Variants in HGS observed in about 807,000 individuals in gnomAD.
HGS encodes the protein human growth factor-regulated tyrosine kinase substrate.
Under a neutral mutation model 109.7 loss-of-function variants are expected in HGS, and 63 were observed. The observed-to-expected ratio is 0.57, with a 90% confidence interval of 0.47 to 0.71. The LOEUF is 0.71. Among genes scored for constraint, HGS ranks in the 30% least tolerant of loss-of-function variants. The pLI, the probability that HGS is intolerant of heterozygous loss-of-function variation, is 0.00. For missense variants in HGS, 995 were observed against 1,068.3 expected (o/e 0.93, Z 0.96); for synonymous variants, 546 against 437.3 (o/e 1.25, Z -3.10).
chr17:81,690,105 C>T lies in HGS; in HGVS notation c.416-77C>T, dbSNP rs1470118420. ...ACGGTCACTGCTGCGTTGCAGCTGC[C>T]GAGAGTGAGGAAGGGGCTCCCGGAA... On this transcript the variant is annotated intron_variant, in intron 5 of 21. Coordinates refer to ENST00000329138, the MANE Select transcript of HGS (RefSeq NM_004712.5). 18 of 1,507,164 alleles carry T rather than the reference C, an allele frequency of 1.2e-5. No homozygotes were observed. The South Asian group carries it at 1.5e-4, about 13-fold the overall frequency. 93.4% of individuals were successfully genotyped at this position (1,507,164 alleles called of 1,614,324 possible).
chr17:81,700,990 C>G (rs1598752177), intron 20 of HGS, 55 bp from the exon 21 acceptor site: 1 of 1,564,278 alleles, frequency 6.4e-7, no homozygotes, highest in Non-Finnish European at 8.8e-7. Context: ...CAGAAACATC[C>G]CCGCCTGCCT....
chr17:81,685,965 T>C (rs2036972850), intron 2 of HGS, among the ~76,000 whole-genome samples: 1 of 152,094 alleles, frequency 6.6e-6, no homozygotes, highest in South Asian at 2.1e-4. Context: ...GGGCCTTGCT[T>C]TGTCACCCAG....
At chr17:81,695,512 C>A (rs976619743) in intron 14 of HGS, among the ~76,000 whole-genome samples, 2 of 152,254 alleles carry the variant, frequency 1.3e-5, no homozygotes, top group African/African-American at 4.8e-5. Context: ...TTGCCTGGGG[C>A]TTGTGGGCTG....
chr17:81,690,035 G>T (rs977699214), intron 5 of HGS, 147 bp from the exon 6 acceptor site: 60 of 740,240 alleles, frequency 8.1e-5, no homozygotes, highest in South Asian at 7.8e-4. Flanking sequence ...CAATCTTGGG[G>T]GCAGGAGGCT....
chr17:81,689,062 C>T (rs1272386588), intron 5 of HGS, among the ~76,000 whole-genome samples: 2 of 152,248 alleles, frequency 1.3e-5, no homozygotes, highest in Non-Finnish European at 2.9e-5. Flanking sequence ...GCAGACAACA[C>T]ACAGGTGAAA....
In HGS at chr17:81,696,813, T is replaced by C. The variant is rs762725691; in HGVS notation, c.1708-11T>C. 34 of 1,605,256 alleles carry C rather than the reference T, an allele frequency of 2.1e-5. No homozygotes were observed. In the East Asian group the frequency reaches 6.9e-4, roughly 33 times the overall value. On this transcript the variant is annotated splice_polypyrimidine_tract_variant and intron_variant, in intron 17 of 21. Transcript: ENST00000329138. ...AGGACCAACTCTCACCGCTGTCTCT[T>C]TTGTCCCCAGCTCCAGGCCATGCCC...
chr17:81,688,181 G>A (rs776051060), intron 4 of HGS, among the ~76,000 whole-genome samples: 22 of 151,632 alleles, frequency 1.5e-4, no homozygotes, highest in Non-Finnish European at 2.6e-4. Context: ...CGAGAGGGCC[G>A]TAGACGCGAG....
At position 81,693,757 on chromosome 17, in the gene HGS, G is replaced by A. The variant is rs1038613655; in HGVS notation, c.840+5G>A. ...GCGGAGGAGAAGGAGAGGCTGGTAAGCCGGGTGGGGCGGGGCGGCCTCAGG... is the reference window on the plus strand; with the variant it reads ...GCGGAGGAGAAGGAGAGGCTGGTAAACCGGGTGGGGCGGGGCGGCCTCAGG... On this transcript the variant is annotated splice_donor_5th_base_variant and intron_variant, in intron 10 of 21. Coordinates refer to ENST00000329138, the MANE Select transcript of HGS (RefSeq NM_004712.5). The A allele has an allele frequency of 6.5e-7, 1 of 1,542,562 alleles. No homozygotes were observed. The highest frequency in any genetic ancestry group is 1.2e-5 in the South Asian group (1 of 83,686).
intron 14 of HGS, 76 bp from the exon 15 acceptor site, chr17:81,695,710 G>A (rs2037135023): frequency 1.5e-6 from 2 of 1,296,558 alleles, no homozygotes; most frequent in Admixed American, 3.4e-5. Flanking sequence ...ATAGCTGGGT[G>A]CCTCCATCCC....
Position 81,684,110 on chromosome 17 carries a change from C to T in HGS, c.37+7C>T, listed in dbSNP as rs1181672539. 3 of 1,577,074 alleles carry T rather than the reference C, an allele frequency of 1.9e-6. No homozygotes were observed. Among genetic ancestry groups the T allele is most frequent in the South Asian group, 1.2e-5 (1 of 86,626 alleles). On this transcript the variant is annotated splice_region_variant and intron_variant, in intron 1 of 21. Transcript: ENST00000329138. ...ACCTTCGAGCGTCTCCTAGGTAACG[C>T]GTCCCCACCCGACGGCTCGGCCTTG...
chr17:81,695,717 T>C, intron 14 of HGS, 69 bp from the exon 15 acceptor site: 1 of 1,453,506 alleles, frequency 6.9e-7, no homozygotes, highest in South Asian at 1.1e-5. Context: ...GGTGCCTCCA[T>C]CCCAGGCCCC....
intron 21 of HGS, 101 bp from the exon 22 acceptor site, chr17:81,701,407 T>C: frequency 7.9e-7 from 1 of 1,270,506 alleles, no homozygotes; most frequent in Non-Finnish European, 1.1e-6. Flanking sequence ...TGGACATGGA[T>C]TACAAGCACT....
intron 18 of HGS, among the ~76,000 whole-genome samples, chr17:81,699,660 A>G (rs2037203849): frequency 6.6e-6 from 1 of 151,888 alleles, no homozygotes; most frequent in Non-Finnish European, 1.5e-5. Flanking sequence ...TCCTGCCATC[A>G]TGATCCGCCT....
chr17:81,697,705 G>A (rs184315584), intron 18 of HGS: 2 of 152,184 alleles, frequency 1.3e-5, no homozygotes, highest in East Asian at 1.9e-4. Flanking sequence ...TGTTTATTAC[G>A]GTGTTTGCCA....
chr17:81,687,396 C>G (rs912100750), intron 4 of HGS, among the ~76,000 whole-genome samples: 22 of 152,110 alleles, frequency 1.4e-4, no homozygotes, highest in Non-Finnish European at 2.4e-4. Context: ...TGGGCACCTG[C>G]TGTCTTAGGG....
chr17:81,688,482 G>T (rs779292967), intron 4 of HGS, among the ~76,000 whole-genome samples: 4 of 152,212 alleles, frequency 2.6e-5, no homozygotes, highest in Non-Finnish European at 5.9e-5. Flanking sequence ...ACAGAGACGC[G>T]GCGTTGTTTG....
In HGS at chr17:81,694,916, G is replaced by A. The variant is rs770386705; in HGVS notation, c.976-8G>A. ...TGGCCTTGGGAGTGACCCCCTCATTGCCTGCAGCTCGCACGGTATCTCAAC... is the reference window on the plus strand; with the variant it reads ...TGGCCTTGGGAGTGACCCCCTCATTACCTGCAGCTCGCACGGTATCTCAAC... On this transcript the variant is annotated splice_region_variant and splice_polypyrimidine_tract_variant and intron_variant, in intron 12 of 21. Coordinates refer to ENST00000329138, the MANE Select transcript of HGS (RefSeq NM_004712.5). 3.1e-6 allele frequency: 5 copies of A among 1,614,212 alleles called. No homozygotes were observed. Among genetic ancestry groups the A allele is most frequent in the Non-Finnish European group, 4.2e-6 (5 of 1,180,038 alleles).
intron 1 of HGS, chr17:81,684,394 T>C (rs2036936958): frequency 1.2e-5 from 4 of 326,554 alleles, no homozygotes; most frequent in Admixed American, 4.9e-5. Context: ...GCCGATTTCC[T>C]CTTGACCGAC....
Position 81,694,816 on chromosome 17 carries a change from A to G in HGS, c.938A>G (p.Asn313Ser), listed in dbSNP as rs1460002865. 1 of 1,614,154 alleles carries G rather than the reference A, an allele frequency of 6.2e-7. No individual in the cohort carries two copies. The highest frequency in any genetic ancestry group is 8.5e-7 in the Non-Finnish European group (1 of 1,180,020). The change falls in exon 12 of 22, where the codon AAC (asparagine) becomes AGC (serine). Residue 313 changes from asparagine (N) to serine (S), a missense_variant and splice_region_variant. Physicochemically the swap from Asn to Ser is conservative, Grantham distance 46. Around this residue, in one of 6 missense-constraint regions of HGS, gnomAD observed 300 missense variants for 235.4 expected, o/e 1.27. Coordinates refer to ENST00000329138, the MANE Select transcript of HGS (RefSeq NM_004712.5). ...ACTCAGATGCCCTTTTCTCCCCAGA[A>G]CTCGTCGGCGCCTCTGGCTGAGGAC... ...PASSLYSSPV[N>S]SSAPLAEDID...
Sources: gnomAD v4.1 joint callset for allele counts (sites outside exome capture counted in the v4.1 genomes callset) on GRCh38, gnomAD v4.1.1 for gene constraint, gnomAD v4.1.1 regional missense constraint, MANE v1.5 for transcripts, NCBI Gene and HGNC (gene_info 2026-07-23, HGNC 2026-07-21) for gene names.